BRPF3: variants seen among roughly 807,000 people sequenced by gnomAD.
BRPF3 encodes bromodomain and PHD finger containing 3, also known as bromodomain and PHD finger-containing protein 3.
Under a neutral mutation model 102.0 loss-of-function variants are expected in BRPF3, and 18 were observed. The ratio of observed to expected loss-of-function variants is 0.18; its 90% CI spans 0.12 to 0.26. BRPF3 has a LOEUF of 0.26. Ranked by LOEUF, BRPF3 falls within the 10% of genes least tolerant of loss-of-function variation. The pLI is 1.00. For synonymous variants in BRPF3, 570 were observed against 614.2 expected (o/e 0.93, Z 1.06); for missense variants, 1,147 against 1,567.8 (o/e 0.73, Z 4.53).
chr6:36,207,495 C>T (rs747811122), intron 4 of BRPF3, 51 bp downstream of exon 4: 2 of 1,601,228 alleles, frequency 1.2e-6, no homozygotes, highest in South Asian at 1.1e-5. Context: ...CACTTTCTCC[C>T]ACTATTAGTC....
chr6:36,230,575 G>A lies in BRPF3; in HGVS notation c.3584G>A (p.Gly1195Glu), dbSNP rs1448193781. 1.2e-6 allele frequency: 2 copies of A among 1,614,088 alleles called. No homozygotes were observed. The highest frequency in any genetic ancestry group is 1.7e-6 in the Non-Finnish European group (2 of 1,179,984). Reference sequence around the variant, plus strand: ...ATGATCCACCTGAGCAGAGTCCGGGGGCCCCACTCCTTCGTCACTTCCAGC... The same window carrying A: ...ATGATCCACCTGAGCAGAGTCCGGGAGCCCCACTCCTTCGTCACTTCCAGC... The part of the protein sequence containing the change: ...RAMIHLSRVR[G>E]PHSFVTSSYL The change falls in exon 13 of 13, where the codon GGG (glycine) becomes GAG (glutamate). Residue 1195 changes from glycine to glutamate, a missense_variant. Around this residue, in one of 11 missense-constraint regions of BRPF3, gnomAD observed 85 missense variants for 172.9 expected, o/e 0.49. Coordinates refer to ENST00000357641, the MANE Select transcript of BRPF3 (RefSeq NM_015695.3). The surrounding 1 kb of genome is among the most constrained non-coding windows in gnomAD (Gnocchi z 5.4).
Position 36,230,928 on chromosome 6 carries a change from CCTT to C in BRPF3, c.*323_*325del, listed in dbSNP as rs2127299673. ...CCCAGATGGCAAGAGGTCCTGGGCT[CCTT>C]CTTGAGGGGCTGCCTGGCCCGCTCC... On this transcript the variant is annotated 3_prime_UTR_variant, in exon 13 of 13. Transcript: ENST00000357641. This position sits in a 1 kb window ranked among gnomAD's most constrained non-coding sequence, Gnocchi z 5.4. The C allele has an allele frequency of 6.4e-6, 2 of 312,482 alleles. No homozygotes were observed. The highest frequency in any genetic ancestry group is 1.2e-5 in the Non-Finnish European group (2 of 165,984). 19.4% of individuals were successfully genotyped at this position (312,482 alleles called of 1,614,324 possible). A position where few individuals can be genotyped will look rare whatever the true frequency, so the allele number is the denominator to read the frequency against.
intron 3 of BRPF3, 112 bp downstream of exon 3, chr6:36,204,926 C>A: frequency 7.0e-7 from 1 of 1,436,088 alleles, no homozygotes; most frequent in Non-Finnish European, 9.4e-7. Context: ...GGAGCCTTTG[C>A]CTACCTGTCT....
At chr6:36,214,479 A>G (rs906559968) in intron 8 of BRPF3, 93 bp downstream of exon 8, 4 of 1,397,244 alleles carry the variant, frequency 2.9e-6, no homozygotes, top group African/African-American at 2.9e-5. Flanking sequence ...CATCTCTCTA[A>G]TGGCACCATT....
chr6:36,229,777 C>T (rs1768872160), intron 12 of BRPF3, among the ~76,000 whole-genome samples: 1 of 152,170 alleles, frequency 6.6e-6, no homozygotes, highest in Non-Finnish European at 1.5e-5. Context: ...ACTCCATGTC[C>T]TTATGCAGAT....
At chr6:36,206,945 C>A (rs1205005149) in intron 3 of BRPF3, among the ~76,000 whole-genome samples, 2 of 152,044 alleles carry the variant, frequency 1.3e-5, no homozygotes, top group African/African-American at 2.4e-5. Context: ...TAGTAAGAAC[C>A]TTGCTTTGTT....
At chr6:36,219,869 C>T (rs976906733) in intron 9 of BRPF3, among the ~76,000 whole-genome samples, 2 of 152,234 alleles carry the variant, frequency 1.3e-5, no homozygotes, top group Non-Finnish European at 2.9e-5. Context: ...CCCACACTCC[C>T]TTTTTCACTT....
At chr6:36,215,224 C>G (rs1768286021) in intron 8 of BRPF3, among the ~76,000 whole-genome samples, 2 of 152,104 alleles carry the variant, frequency 1.3e-5, no homozygotes, top group South Asian at 4.1e-4. Flanking sequence ...TCAAGCAATT[C>G]TCCTGCCTCA....
chr6:36,196,932 C>G lies in BRPF3; in HGVS notation c.-65C>G, dbSNP rs1767511378. 1 of 151,548 alleles carries G rather than the reference C, an allele frequency of 6.6e-6. No individual in the cohort carries two copies. The highest frequency in any genetic ancestry group is 6.6e-5 in the Admixed American group (1 of 15,214). 9.4% of individuals were successfully genotyped at this position (151,548 alleles called of 1,614,324 possible). A position where few individuals can be genotyped will look rare whatever the true frequency, so the allele number is the denominator to read the frequency against. ...TGCTCGGCGGCCTGCCCGCCCGCGC[C>G]CAGGGGCCCCGAACGGTGGGGCCGG... On this transcript the variant is annotated 5_prime_UTR_variant, in exon 1 of 13. Transcript: ENST00000357641.
In BRPF3 at chr6:36,218,045, C is replaced by G. The variant is rs770454044; in HGVS notation, c.3083+35C>G. On this transcript the variant is annotated intron_variant, in intron 9 of 12. Coordinates refer to ENST00000357641, the MANE Select transcript of BRPF3 (RefSeq NM_015695.3). ...CATTCCCAAAGCTTTGTCAGCAGCT[C>G]TGCTACCCCTCCTTTTACTCTCCAT... is the stretch of plus-strand genomic sequence containing the variant. 1.3e-5 allele frequency: 20 copies of G among 1,562,122 alleles called. No homozygotes were observed. The Admixed American group carries it at 3.5e-4, about 27-fold the overall frequency.
In BRPF3 at chr6:36,231,883, C is replaced by T. The variant is rs904516864; in HGVS notation, c.*1274C>T. 2 of 152,666 alleles carry T rather than the reference C, an allele frequency of 1.3e-5. No individual in the cohort carries two copies. Among genetic ancestry groups the T allele is most frequent in the African/African-American group, 4.8e-5 (2 of 41,468 alleles). 9.5% of individuals were successfully genotyped at this position (152,666 alleles called of 1,614,324 possible). A position where few individuals can be genotyped will look rare whatever the true frequency, so the allele number is the denominator to read the frequency against. On this transcript the variant is annotated 3_prime_UTR_variant, in exon 13 of 13. Coordinates refer to ENST00000357641, the MANE Select transcript of BRPF3 (RefSeq NM_015695.3). ...TTTCAGAGGCTTCAGTGTCTGTTCT[C>T]TGGACATTTCTTTTCACCTCCTGAG...
chr6:36,204,326 TGGG>T (rs1486001549), intron 2 of BRPF3: 1 of 306,820 alleles, frequency 3.3e-6, no homozygotes, highest in Non-Finnish European at 6.3e-6. Flanking sequence ...AAGAGGAGGC[TGGG>T]GGTATTGAGG....
Position 36,211,436 on chromosome 6 carries a change from A to G in BRPF3, c.2358A>G (p.Pro786=), listed in dbSNP as rs761775119. The G allele has an allele frequency of 7.6e-5, 123 of 1,610,364 alleles. 1 individual carries two copies. In the South Asian group the frequency reaches 1.3e-3, roughly 17 times the overall value. Residue 786 remains proline, a synonymous_variant, in exon 7 of 13, where the codon CCA becomes CCG. Coordinates refer to ENST00000357641, the MANE Select transcript of BRPF3 (RefSeq NM_015695.3). The stretch of plus-strand genomic sequence containing the variant: ...TTCGGCAGAAGCTGGCACAGCCACC[A>G]CCACCACAGCCACCATCACTCAACA... ...NALRQKLAQP[P]PPQPPSLNKT...
Position 36,217,984 on chromosome 6 carries a change from T to A in BRPF3, c.3057T>A (p.Ser1019Arg). The A allele has an allele frequency of 6.2e-7, 1 of 1,613,506 alleles. No homozygotes were observed. Among genetic ancestry groups the A allele is most frequent in the Non-Finnish European group, 8.5e-7 (1 of 1,179,770 alleles). Reference protein sequence around the residue: ...GSDSECSLGLSGGLAFEACSG... With the variant: ...GSDSECSLGLRGGLAFEACSG... ...ACTCTGAATGTAGTTTGGGTCTCAGTGGTGGACTGGCATTTGAAGCTTGCA... is the reference window on the plus strand; with the variant it reads ...ACTCTGAATGTAGTTTGGGTCTCAGAGGTGGACTGGCATTTGAAGCTTGCA... The change falls in exon 9 of 13, where the codon AGT (serine) becomes AGA (arginine). Residue 1019 changes from serine to arginine, a missense_variant. Physicochemically the swap from Ser to Arg is moderately radical, Grantham distance 110 (BLOSUM62 -1). Transcript: ENST00000357641.
intron 11 of BRPF3, among the ~76,000 whole-genome samples, chr6:36,225,944 C>T (rs565244813): frequency 7.0e-4 from 107 of 152,280 alleles, no homozygotes; most frequent in Middle Eastern, 3.4e-3. Flanking sequence ...TATATGAGAC[C>T]ATATTGCTTT....
chr6:36,221,475 T>A lies in BRPF3; in HGVS notation c.3084-693T>A, dbSNP rs568855585. Among the ~76,000 whole-genome samples the A allele has an allele frequency of 7.2e-5, 11 of 152,008 alleles. No homozygotes were observed. In the East Asian group the frequency reaches 1.4e-3, roughly 19 times the overall value. On this transcript the variant is annotated intron_variant, in intron 9 of 12. Transcript: ENST00000357641. ...CTAATTTGTGTATTTTTAGTAGAGA[T>A]GAGGTTTCACCATGTTGGCCAGGGT...
In BRPF3 at chr6:36,213,869, T is replaced by G; in HGVS notation, c.2483-11T>G. The G allele has an allele frequency of 1.9e-6, 3 of 1,573,016 alleles. No individual in the cohort carries two copies. The highest frequency in any genetic ancestry group is 2.6e-6 in the Non-Finnish European group (3 of 1,161,758). On this transcript the variant is annotated splice_polypyrimidine_tract_variant and intron_variant, in intron 7 of 12. Coordinates refer to ENST00000357641, the MANE Select transcript of BRPF3 (RefSeq NM_015695.3). ...TAAAATGTTCAAGCAGATTCTCTTTTTTTCTAATAGATGACTCCAAACTGC... is the reference window on the plus strand; with the variant it reads ...TAAAATGTTCAAGCAGATTCTCTTTGTTTCTAATAGATGACTCCAAACTGC...
chr6:36,228,824 C>T (rs1768833404), intron 11 of BRPF3, 78 bp from the exon 12 acceptor site: 2 of 1,538,446 alleles, frequency 1.3e-6, no homozygotes, highest in Non-Finnish European at 1.8e-6. Flanking sequence ...GTGGGTGCTT[C>T]AGCAGTTGGT....
intron 8 of BRPF3, among the ~76,000 whole-genome samples, chr6:36,215,386 A>G (rs1581973202): frequency 6.6e-6 from 1 of 152,352 alleles, no homozygotes; most frequent in Middle Eastern, 3.4e-3. Flanking sequence ...ATGGGATTAC[A>G]GGCATGAGCC....
Sources: gnomAD v4.1 joint callset for allele counts (sites outside exome capture counted in the v4.1 genomes callset) on GRCh38, gnomAD v4.1.1 for gene constraint, gnomAD v4.1.1 regional missense constraint, Gnocchi (gnomAD v3.1) non-coding constraint, MANE v1.5 for transcripts, NCBI Gene and HGNC (gene_info 2026-07-23, HGNC 2026-07-21) for gene names.